The following GCNT2 variants were observed in gnomAD, a reference collection of about 807,000 sequenced individuals.
The protein encoded by GCNT2 is N-acetyllactosaminide beta-1,6-N-acetylglucosaminyl-transferase.
In GCNT2, 34 loss-of-function variants were observed where a neutral mutation model predicts 34.2. The observed-to-expected ratio is 1.00, with a 90% CI of 0.76 to 1.32. The LOEUF (loss-of-function observed/expected upper bound fraction) is 1.32. Ranked by LOEUF, GCNT2 falls within the 40% of genes most tolerant of loss-of-function variation. GCNT2 has a pLI of 0.00. For missense variants in GCNT2, 584 were observed against 489.4 expected (o/e 1.19, Z -1.82); for synonymous variants, 212 against 188.0 (o/e 1.13, Z -1.04).
At chr6:10,625,135 A>G (rs1043897379) in intron 4 of GCNT2, among the ~76,000 whole-genome samples, 3 of 152,086 alleles carry the variant, frequency 2.0e-5, no homozygotes, top group African/African-American at 4.8e-5. Context: ...ACCATGTTCT[A>G]TCTGTCCTTC....
chr6:10,541,047 G>T (rs980763109), intron 3 of GCNT2, among the ~76,000 whole-genome samples: 1 of 152,190 alleles, frequency 6.6e-6, no homozygotes, highest in South Asian at 2.1e-4. Context: ...ACGTGTGCAG[G>T]ATGTGCAGGT....
Position 10,528,737 on chromosome 6 carries a change from G to T in GCNT2, c.-175G>T. On this transcript the variant is annotated 5_prime_UTR_variant, in exon 3 of 5. Coordinates refer to ENST00000495262, the MANE Select transcript of GCNT2 (RefSeq NM_145649.5). ...ATGCAACCTAGTGGTAAGTGAAGAG[G>T]GGAAGAAGAAAGAAAAAGGACCAGA... The T allele has an allele frequency of 1.5e-6, 1 of 645,766 alleles. No homozygotes were observed. The allele number at this position is 645,766 out of a possible 1,614,324, so 40.0% of individuals were successfully genotyped here. A position where few individuals can be genotyped will look rare whatever the true frequency, so the allele number is the denominator to read the frequency against.
intron 3 of GCNT2, among the ~76,000 whole-genome samples, chr6:10,611,901 C>T (rs1228100227): frequency 6.6e-6 from 1 of 151,962 alleles, no homozygotes; most frequent in Non-Finnish European, 1.5e-5. Context: ...GTATTTCCTC[C>T]ACTCACATTT....
chr6:10,539,185 T>TTTTTTTTA (rs2113573269), intron 3 of GCNT2, among the ~76,000 whole-genome samples: 1 of 124,708 alleles, frequency 8.0e-6, no homozygotes, highest in Non-Finnish European at 1.7e-5. Context: ...CGTCTCTTTT[T>TTTTTTTTA]TTTTTTTTTT....
intron 3 of GCNT2, among the ~76,000 whole-genome samples, chr6:10,593,608 A>G (rs1561825575): frequency 6.6e-6 from 1 of 152,152 alleles, no homozygotes; most frequent in Non-Finnish European, 1.5e-5. Context: ...AAGTGCTGAG[A>G]TTACAGGTGT....
intron 3 of GCNT2, among the ~76,000 whole-genome samples, chr6:10,536,752 G>A (rs947123963): frequency 6.9e-6 from 1 of 145,228 alleles, no homozygotes; most frequent in African/African-American, 2.6e-5. Flanking sequence ...CACCCAGGCT[G>A]GAGTACAGTG....
intron 3 of GCNT2, among the ~76,000 whole-genome samples, chr6:10,532,775 G>T (rs1761557606): frequency 6.6e-6 from 1 of 152,192 alleles, no homozygotes; most frequent in African/African-American, 2.4e-5. Context: ...CTGACCTGAG[G>T]CAGGGCTGAA....
rs1242303496 is a variant in GCNT2, at chr6:10,529,646, T to A, written c.735T>A (p.Ile245=). 1.4e-5 allele frequency: 23 copies of A among 1,613,898 alleles called. No homozygotes were observed. In the Middle Eastern group the frequency reaches 4.9e-4, roughly 35 times the overall value. Residue 245 remains isoleucine (I), a synonymous_variant, in exon 3 of 5, where the codon ATT becomes ATA. Transcript: ENST00000495262. ...TAAACCACAAAAATTCCTACGTGAT[T>A]AAAACAACAAAATTAAAAACTCCTC... ...ELLNHKNSYV[I]KTTKLKTPPP...
chr6:10,563,096 A>T lies in GCNT2; in HGVS notation c.925+33260A>T, dbSNP rs533131526. On this transcript the variant is annotated intron_variant, in intron 3 of 4. Coordinates refer to ENST00000495262, the MANE Select transcript of GCNT2 (RefSeq NM_145649.5). Reference sequence around the variant, plus strand: ...CTTGAACCCGGGAGGCAGAGGTTGCAGTGAATTGAGATCATGCCACTGAAC... The same window carrying T: ...CTTGAACCCGGGAGGCAGAGGTTGCTGTGAATTGAGATCATGCCACTGAAC... Among the ~76,000 whole-genome samples the T allele has an allele frequency of 9.2e-5, 14 of 152,198 alleles. No individual in the cohort carries two copies. In the South Asian group the frequency reaches 2.9e-3, roughly 32 times the overall value.
At chr6:10,587,002 A>T in intron 3 of GCNT2, 2 of 911,144 alleles carry the variant, frequency 2.2e-6, no homozygotes, top group South Asian at 2.8e-5. Flanking sequence ...AATTATTATG[A>T]AATAAATTTA....
intron 3 of GCNT2, among the ~76,000 whole-genome samples, chr6:10,547,900 T>G (rs1412476315): frequency 6.6e-6 from 1 of 152,246 alleles, no homozygotes; most frequent in East Asian, 1.9e-4. Context: ...TTCTTTTTAC[T>G]TACTTTACTG....
At chr6:10,589,266 G>A (rs1271335689) in intron 3 of GCNT2, among the ~76,000 whole-genome samples, 1 of 148,384 alleles carries the variant, frequency 6.7e-6, no homozygotes. Context: ...GTACATGTGT[G>A]GGGTGTGTGT....
In GCNT2 at chr6:10,526,022, C is replaced by A. The variant is rs561264376; in HGVS notation, c.-468-1452C>A. 3.9e-5 allele frequency among the ~76,000 whole-genome samples: 6 copies of A among 152,274 alleles called. No individual in the cohort carries two copies. In the South Asian group the frequency reaches 1.2e-3, roughly 32 times the overall value. ...AAGCATAATTCAGCATTGACATTTTCATTTAATCATTCCTATAGTATTTCA... is the reference window on the plus strand; with the variant it reads ...AAGCATAATTCAGCATTGACATTTTAATTTAATCATTCCTATAGTATTTCA... On this transcript the variant is annotated intron_variant, in intron 1 of 4. Coordinates refer to ENST00000495262, the MANE Select transcript of GCNT2 (RefSeq NM_145649.5).
At chr6:10,563,965 C>T (rs896994209) in intron 3 of GCNT2, among the ~76,000 whole-genome samples, 1 of 151,858 alleles carries the variant, frequency 6.6e-6, no homozygotes, top group African/African-American at 2.4e-5. Context: ...TGCGAATATT[C>T]TGAAGATGAA....
chr6:10,577,319 C>T (rs1763864820), intron 3 of GCNT2, among the ~76,000 whole-genome samples: 2 of 152,208 alleles, frequency 1.3e-5, no homozygotes, highest in South Asian at 4.1e-4. Flanking sequence ...GAGTTGCCTC[C>T]TCTCATCCCA....
chr6:10,628,491 GA>G lies in GCNT2; in HGVS notation c.*1886del, dbSNP rs1323874303. On this transcript the variant is annotated 3_prime_UTR_variant, in exon 5 of 5. Coordinates refer to ENST00000495262, the MANE Select transcript of GCNT2 (RefSeq NM_145649.5). ...ACAGCTGGTCACACAAGGAACTCTTGAAGGCCACATGTGAAAACCTGTCACT... is the reference window on the plus strand; with the variant it reads ...ACAGCTGGTCACACAAGGAACTCTTGAGGCCACATGTGAAAACCTGTCACT... 6.6e-6 allele frequency: 1 copy of G among 152,188 alleles called. No homozygotes were observed. Among genetic ancestry groups the G allele is most frequent in the Non-Finnish European group, 1.5e-5 (1 of 68,048 alleles). 9.4% of individuals were successfully genotyped at this position (152,188 alleles called of 1,614,324 possible).
At position 10,558,374 on chromosome 6, in the gene GCNT2, A is replaced by G. The variant is rs150535519; in HGVS notation, c.925+28538A>G. Among the ~76,000 whole-genome samples, 13 of 152,324 alleles carry G rather than the reference A, an allele frequency of 8.5e-5. No individual in the cohort carries two copies. The East Asian group carries it at 2.3e-3, about 27-fold the overall frequency. On this transcript the variant is annotated intron_variant, in intron 3 of 4. Transcript: ENST00000495262. ...TCCCTAAGACATTGTTGAGCTGAGAAATATTTGGACTCATGCATGTACCAT... is the reference window on the plus strand; with the variant it reads ...TCCCTAAGACATTGTTGAGCTGAGAGATATTTGGACTCATGCATGTACCAT...
At chr6:10,522,619 C>T (rs961427784) in intron 1 of GCNT2, among the ~76,000 whole-genome samples, 2 of 152,102 alleles carry the variant, frequency 1.3e-5, no homozygotes, top group East Asian at 1.9e-4. Flanking sequence ...TTGCAATTAT[C>T]GGAAGAAGGG....
chr6:10,555,787 G>A, intron 3 of GCNT2: 4 of 985,388 alleles, frequency 4.1e-6, no homozygotes, highest in Non-Finnish European at 4.8e-6. Context: ...GATGGATGAG[G>A]CTTTCTTTTA....
Sources: gnomAD v4.1 joint callset for allele counts (sites outside exome capture counted in the v4.1 genomes callset) on GRCh38, gnomAD v4.1.1 for gene constraint, MANE v1.5 for transcripts, NCBI Gene and HGNC (gene_info 2026-07-23, HGNC 2026-07-21) for gene names.